ENTREP1: variants seen among roughly 807,000 people sequenced by gnomAD.
ENTREP1 encodes endosomal transmembrane epsin interactor 1.
chr9:69,340,641 A>ATG, the ENTREP1 span, among the ~76,000 whole-genome samples: 380 of 44,248 alleles, frequency 8.6e-3, 6 homozygotes, highest in African/African-American at 0.028. Context: ...GTGTGCGTGC[A>ATG]TGTGTGTGTG....
the ENTREP1 span, among the ~76,000 whole-genome samples, chr9:69,366,493 C>T: frequency 6.7e-6 from 1 of 149,752 alleles, no homozygotes; most frequent in African/African-American, 2.5e-5. Context: ...CAGGTTGTCT[C>T]TTCACTCCGT....
chr9:69,351,648 C>T, the ENTREP1 span, among the ~76,000 whole-genome samples: 1 of 152,134 alleles, frequency 6.6e-6, no homozygotes, highest in African/African-American at 2.4e-5. Context: ...AACTCCTGAC[C>T]TCAAGTCATC....
At chr9:69,343,488 C>T in the ENTREP1 span, among the ~76,000 whole-genome samples, 26 of 152,272 alleles carry the variant, frequency 1.7e-4, no homozygotes, top group African/African-American at 6.3e-4. Context: ...ATCCAGGCTC[C>T]TGAGTGAAGT....
chr9:69,350,418 A>C, the ENTREP1 span, among the ~76,000 whole-genome samples: 2 of 152,092 alleles, frequency 1.3e-5, no homozygotes, highest in African/African-American at 4.8e-5. Flanking sequence ...CTTCTTGATC[A>C]TATTCTTTTT....
At chr9:69,338,878 G>A in the ENTREP1 span, among the ~76,000 whole-genome samples, 1 of 152,206 alleles carries the variant, frequency 6.6e-6, no homozygotes, top group Admixed American at 6.5e-5. Flanking sequence ...AGGTCGCATA[G>A]AGATTGTCTT....
chr9:69,333,317 T>A, the ENTREP1 span, among the ~76,000 whole-genome samples: 3,232 of 151,936 alleles, frequency 0.021, 50 homozygotes, highest in Middle Eastern at 0.068. Context: ...ATAATATTAT[T>A]ATTTTTTTTT....
the ENTREP1 span, among the ~76,000 whole-genome samples, chr9:69,334,880 G>A: frequency 6.7e-6 from 1 of 150,314 alleles, no homozygotes; most frequent in Non-Finnish European, 1.5e-5. Context: ...GGGTTCAGGC[G>A]ACTCTTGTGC....
At chr9:69,354,923 G>C in the ENTREP1 span, among the ~76,000 whole-genome samples, 2 of 152,136 alleles carry the variant, frequency 1.3e-5, no homozygotes, top group East Asian at 3.9e-4. Flanking sequence ...CCATTAAACC[G>C]TTCCCTCCTT....
the ENTREP1 span, among the ~76,000 whole-genome samples, chr9:69,340,374 T>G: frequency 6.6e-6 from 1 of 152,178 alleles, no homozygotes; most frequent in African/African-American, 2.4e-5. Flanking sequence ...GACATCAGGT[T>G]TTTTACTGGT....
the ENTREP1 span, among the ~76,000 whole-genome samples, chr9:69,340,417 C>T: frequency 6.6e-6 from 1 of 152,212 alleles, no homozygotes; most frequent in African/African-American, 2.4e-5. Context: ...GACCTAGTTC[C>T]TTCAAACTCA....
chr9:69,382,268 C>G, the ENTREP1 span: 1 of 152,244 alleles, frequency 6.6e-6, no homozygotes, highest in Non-Finnish European at 1.5e-5. Flanking sequence ...TTCTCAGAGT[C>G]ACTCAGCATT....
chr9:69,388,257 G>T, the ENTREP1 span: 5 of 1,614,030 alleles, frequency 3.1e-6, no homozygotes, highest in Non-Finnish European at 3.4e-6. Context: ...AGAGCTTCGC[G>T]ATGCAGACCG....
At chr9:69,352,667 G>T in the ENTREP1 span, among the ~76,000 whole-genome samples, 1 of 152,158 alleles carries the variant, frequency 6.6e-6, no homozygotes, top group African/African-American at 2.4e-5. Context: ...GTTCCAGAAG[G>T]TCTGTCTCTA....
chr9:69,329,930 A>C, the ENTREP1 span, among the ~76,000 whole-genome samples: 5 of 130,916 alleles, frequency 3.8e-5, no homozygotes, highest in Non-Finnish European at 6.7e-5. Context: ...ACTAGGTTCC[A>C]CTGGGTTTAA....
the ENTREP1 span, among the ~76,000 whole-genome samples, chr9:69,369,620 A>G: frequency 6.7e-6 from 1 of 149,484 alleles, no homozygotes; most frequent in East Asian, 2.0e-4. Context: ...CATATGACAC[A>G]CAGTTTTCTA....
At chr9:69,333,237 G>C in the ENTREP1 span, among the ~76,000 whole-genome samples, 16 of 152,024 alleles carry the variant, frequency 1.1e-4, no homozygotes, top group Non-Finnish European at 1.6e-4. Context: ...TGTAGGTGAG[G>C]GGGGCAGAAC....
chr9:69,374,982 TTTC>T, the ENTREP1 span, among the ~76,000 whole-genome samples: 4 of 152,170 alleles, frequency 2.6e-5, no homozygotes, highest in Non-Finnish European at 5.9e-5. Context: ...GTGCCTGAGG[TTTC>T]TTTGTATCCA....
At chr9:69,392,193 T>C in the ENTREP1 span, 12 of 231,408 alleles carry the variant, frequency 5.2e-5, no homozygotes, top group African/African-American at 2.5e-4. Context: ...GCCGGGCTGC[T>C]ATTTATAGTT....
chr9:69,339,074 T>TG, the ENTREP1 span, among the ~76,000 whole-genome samples: 2 of 152,044 alleles, frequency 1.3e-5, no homozygotes, highest in Non-Finnish European at 2.9e-5. Context: ...GGCTGGAGTG[T>TG]GGTGGCGTGA....
Sources: gnomAD v4.1 joint callset for allele counts (sites outside exome capture counted in the v4.1 genomes callset) on GRCh38, gnomAD v4.1.1 for gene constraint, MANE v1.5 for transcripts, NCBI Gene and HGNC (gene_info 2026-07-23, HGNC 2026-07-21) for gene names.